The following GAREM1 variants were observed in gnomAD, a reference collection of about 807,000 sequenced individuals.
The protein encoded by GAREM1 is GRB2 associated regulator of MAPK1 subtype 1, also known as GRB2-associated and regulator of MAPK protein 1.
In GAREM1, 26 loss-of-function variants were observed where a neutral mutation model predicts 71.3. The ratio of observed to expected loss-of-function variants is 0.36; its 90% CI spans 0.27 to 0.51. The LOEUF (loss-of-function observed/expected upper bound fraction) is 0.51, where lower values mean the gene tolerates loss of function less well. Ranked by LOEUF, GAREM1 falls within the 20% of genes least tolerant of loss-of-function variation. The pLI is 0.95. For missense variants in GAREM1, 1,026 were observed against 1,103.1 expected, an observed-to-expected ratio of 0.93 and a Z score of 0.99; for synonymous variants, 440 against 433.2, an observed-to-expected ratio of 1.02 and a Z score of -0.20.
chr18:32,369,731 T>C (rs942725772), intron 2 of GAREM1, among the ~76,000 whole-genome samples: 2 of 152,208 alleles, frequency 1.3e-5, no homozygotes, highest in Non-Finnish European at 2.9e-5. Context: ...ACAGGGCATC[T>C]TGTCAATAAA....
chr18:32,294,849 G>A (rs2047124928), intron 3 of GAREM1, among the ~76,000 whole-genome samples: 1 of 152,118 alleles, frequency 6.6e-6, no homozygotes, highest in South Asian at 2.1e-4. Context: ...TGGTGGTGGT[G>A]ACAGTGAGCA....
chr18:32,357,470 C>G (rs2047817721), intron 2 of GAREM1, among the ~76,000 whole-genome samples: 1 of 152,196 alleles, frequency 6.6e-6, no homozygotes, highest in Non-Finnish European at 1.5e-5. Flanking sequence ...GTGAGCTCTC[C>G]AATGACAGAG....
chr18:32,450,605 T>A (rs2048827226), intron 1 of GAREM1, among the ~76,000 whole-genome samples: 1 of 152,200 alleles, frequency 6.6e-6, no homozygotes, highest in South Asian at 2.1e-4. Flanking sequence ...TCTCTCAAGA[T>A]GCAAGCCCAG....
At chr18:32,298,162 C>T (rs765050373) in intron 3 of GAREM1, among the ~76,000 whole-genome samples, 6 of 152,198 alleles carry the variant, frequency 3.9e-5, no homozygotes, top group Non-Finnish European at 5.9e-5. Context: ...CTCCTACTCT[C>T]ATACATAAAA....
intron 2 of GAREM1, among the ~76,000 whole-genome samples, chr18:32,339,783 C>T (rs770849855): frequency 4.6e-5 from 7 of 152,160 alleles, no homozygotes; most frequent in Non-Finnish European, 1.0e-4. Flanking sequence ...TAATATAAAC[C>T]GGGAACGCGG....
At chr18:32,390,901 G>C (rs1045584241) in intron 2 of GAREM1, among the ~76,000 whole-genome samples, 1 of 152,190 alleles carries the variant, frequency 6.6e-6, no homozygotes, top group Non-Finnish European at 1.5e-5. Context: ...TCTTTTTAAA[G>C]TTCTCCAGGT....
chr18:32,466,627 G>A (rs1234563056), intron 1 of GAREM1, among the ~76,000 whole-genome samples: 1 of 152,160 alleles, frequency 6.6e-6, no homozygotes, highest in Non-Finnish European at 1.5e-5. Flanking sequence ...AAATGAGGAG[G>A]AGAGAGAAAA....
intron 3 of GAREM1, among the ~76,000 whole-genome samples, chr18:32,289,440 T>G (rs186869082): frequency 3.2e-4 from 48 of 152,346 alleles, no homozygotes; most frequent in Non-Finnish European, 6.3e-4. Context: ...TATATTCATT[T>G]TTCAGTATTT....
intron 1 of GAREM1, among the ~76,000 whole-genome samples, chr18:32,407,918 C>T (rs1323032633): frequency 6.6e-6 from 1 of 151,806 alleles, no homozygotes; most frequent in Non-Finnish European, 1.5e-5. Flanking sequence ...GCAATGCCTG[C>T]ATGACTCAAT....
At chr18:32,330,807 T>C (rs2047526268) in intron 2 of GAREM1, among the ~76,000 whole-genome samples, 1 of 152,098 alleles carries the variant, frequency 6.6e-6, no homozygotes, top group Non-Finnish European at 1.5e-5. Flanking sequence ...ATTTATTTAA[T>C]ATATCAGGAA....
At chr18:32,312,102 G>A (rs1415648379) in intron 2 of GAREM1, among the ~76,000 whole-genome samples, 1 of 152,228 alleles carries the variant, frequency 6.6e-6, no homozygotes, top group Admixed American at 6.5e-5. Context: ...GTAAGTCTGA[G>A]ATGTCTATTG....
intron 2 of GAREM1, among the ~76,000 whole-genome samples, chr18:32,343,056 T>C (rs2047662052): frequency 6.6e-6 from 1 of 152,232 alleles, no homozygotes; most frequent in Non-Finnish European, 1.5e-5. Context: ...TCCCAAATGG[T>C]AAGAACATTG....
At chr18:32,309,237 T>C (rs1311039623) in intron 3 of GAREM1, among the ~76,000 whole-genome samples, 2 of 149,712 alleles carry the variant, frequency 1.3e-5, no homozygotes, top group Non-Finnish European at 3.0e-5. Flanking sequence ...GGTGGCTTGC[T>C]TCTCTGGTCA....
chr18:32,329,045 A>C (rs556566530), intron 2 of GAREM1, among the ~76,000 whole-genome samples: 16 of 152,356 alleles, frequency 1.1e-4, no homozygotes, highest in African/African-American at 3.8e-4. Flanking sequence ...ATGTGAAAAG[A>C]AGCTCAACCA....
chr18:32,432,877 A>G (rs1400487294), intron 1 of GAREM1, among the ~76,000 whole-genome samples: 1 of 152,110 alleles, frequency 6.6e-6, no homozygotes, highest in Non-Finnish European at 1.5e-5. Flanking sequence ...AGAAGAAATA[A>G]CACCAATTCC....
chr18:32,269,972 C>T (rs946625590), intron 5 of GAREM1, among the ~76,000 whole-genome samples: 9 of 152,140 alleles, frequency 5.9e-5, no homozygotes, highest in Admixed American at 5.9e-4. Context: ...TCTAGTTGGC[C>T]TTTACCTCTG....
chr18:32,348,068 C>T (rs548654565), intron 2 of GAREM1, among the ~76,000 whole-genome samples: 14 of 152,278 alleles, frequency 9.2e-5, no homozygotes, highest in Admixed American at 3.9e-4. Context: ...CTAGTTTAAA[C>T]TTGTTTTGAA....
At position 32,346,020 on chromosome 18, in the gene GAREM1, T is replaced by G. The variant is rs115060074; in HGVS notation, c.263-35697A>C. On this transcript the variant is annotated intron_variant, in intron 2 of 5. Coordinates refer to ENST00000269209, the MANE Select transcript of GAREM1 (RefSeq NM_001242409.2). ...AATTTCTTTTTTTTTCAGTTTCAAGTTCTCCACTAAACTCAGTCTTAACTA... is the reference window on the plus strand; with the variant it reads ...AATTTCTTTTTTTTTCAGTTTCAAGGTCTCCACTAAACTCAGTCTTAACTA... Among the ~76,000 whole-genome samples the G allele has an allele frequency of 7.0e-3, 1,068 of 152,286 alleles. 16 individuals carry two copies. The highest frequency in any genetic ancestry group is 0.024 in the African/African-American group (1,002 of 41,560).
chr18:32,465,359 C>T (rs1170035940), intron 1 of GAREM1, among the ~76,000 whole-genome samples: 1 of 152,110 alleles, frequency 6.6e-6, no homozygotes, highest in Non-Finnish European at 1.5e-5. Context: ...TACAAACAGC[C>T]ACTTGGAGCC....
Sources: allele counts gnomAD v4.1 joint callset (sites outside exome capture counted in the v4.1 genomes callset), GRCh38; gene constraint gnomAD v4.1.1; transcripts MANE v1.5; gene names NCBI Gene and HGNC (gene_info 2026-07-23, HGNC 2026-07-21).